The following RDH12 variants were observed in gnomAD, a reference collection of about 807,000 sequenced individuals.
The protein encoded by RDH12 is all-trans and 9-cis retinol dehydrogenase.
In RDH12, 21 loss-of-function variants were observed where a neutral mutation model predicts 34.0. The ratio of observed to expected loss-of-function variants is 0.62; its 90% CI spans 0.44 to 0.89. The LOEUF (loss-of-function observed/expected upper bound fraction) is 0.89, where lower values mean the gene tolerates loss of function less well. Ranked by LOEUF, RDH12 falls within the 40% of genes least tolerant of loss-of-function variation. The pLI is 0.00. For synonymous variants in RDH12, 198 were observed against 169.9 expected (o/e 1.17, Z -1.29); for missense variants, 394 against 398.6 (o/e 0.99, Z 0.10).
At chr14:67,721,330 C>T in intron 2 of RDH12, among the ~76,000 whole-genome samples, 1 of 152,104 alleles carries the variant, frequency 6.6e-6, no homozygotes, top group Non-Finnish European at 1.5e-5. Flanking sequence ...TCCTAGCTCA[C>T]TTCAACCTTG....
Position 67,722,619 on chromosome 14 carries a change from A to T in RDH12, c.-24A>T. On this transcript the variant is annotated 5_prime_UTR_variant, in exon 3 of 9. Coordinates refer to ENST00000551171, the MANE Select transcript of RDH12 (RefSeq NM_152443.3). Reference sequence around the variant, plus strand: ...TGAAGCTGGAGCAGCAGCAAAAGCAACAGCAGCTACAGAAGTTGGAACGAT... The same window carrying T: ...TGAAGCTGGAGCAGCAGCAAAAGCATCAGCAGCTACAGAAGTTGGAACGAT... The T allele has an allele frequency of 6.2e-7, 1 of 1,608,432 alleles. No individual in the cohort carries two copies. Among genetic ancestry groups the T allele is most frequent in the Non-Finnish European group, 8.5e-7 (1 of 1,174,780 alleles).
chr14:67,719,467 AT>A (rs1481900911), intron 1 of RDH12, among the ~76,000 whole-genome samples: 1 of 151,884 alleles, frequency 6.6e-6, no homozygotes, highest in East Asian at 1.9e-4. Flanking sequence ...TGAAAAGTTT[AT>A]TTATTTTTTC....
At chr14:67,727,490 T>G (rs112866154) in intron 7 of RDH12, 21,849 of 352,624 alleles carry the variant, frequency 0.062, 1,033 homozygotes, top group Non-Finnish European at 0.078. Flanking sequence ...TTTTTGTTTT[T>G]TTTTTTTTGA....
In RDH12 at chr14:67,727,179, A is replaced by G. The variant is rs891125540; in HGVS notation, c.647A>G (p.Lys216Arg). Residue 216 changes from lysine (K) to arginine (R), a missense_variant, in exon 7 of 9, where the codon AAG (lysine) becomes AGG (arginine). Coordinates refer to ENST00000551171, the MANE Select transcript of RDH12 (RefSeq NM_152443.3). ...GTGCTTTTTACTCGTGAGCTGGCCA[A>G]GAGGCTCCAAGGTAAGTCTGGAGAA... ...ANVLFTRELAKRLQGTGVTTY... is the reference protein window; with the variant it reads ...ANVLFTRELARRLQGTGVTTY... 7 of 1,612,612 alleles carry G rather than the reference A, an allele frequency of 4.3e-6. No homozygotes were observed. The African/African-American group carries it at 9.3e-5, about 22-fold the overall frequency.
At chr14:67,725,700 T>G (rs2038176913) in intron 5 of RDH12, among the ~76,000 whole-genome samples, 1 of 152,206 alleles carries the variant, frequency 6.6e-6, no homozygotes, top group African/African-American at 2.4e-5. Context: ...ACCACTGGAT[T>G]CCTAGTGCCC....
chr14:67,705,797 C>T (rs937229027), intron 1 of RDH12, among the ~76,000 whole-genome samples: 1 of 152,146 alleles, frequency 6.6e-6, no homozygotes, highest in South Asian at 2.1e-4. Flanking sequence ...ATTTGATCAA[C>T]CATGACAGAG....
At chr14:67,723,697 T>C (rs2038151502) in intron 3 of RDH12, among the ~76,000 whole-genome samples, 1 of 152,218 alleles carries the variant, frequency 6.6e-6, no homozygotes, top group Admixed American at 6.5e-5. Flanking sequence ...GAAATAATAC[T>C]GGAGAAGTTG....
In RDH12 at chr14:67,722,259, C is replaced by T. The variant is rs999727980; in HGVS notation, c.-219-165C>T. On this transcript the variant is annotated intron_variant, in intron 2 of 8. Transcript: ENST00000551171. ...TAAAGTTAGAAATATTCTATATATT[C>T]CATCTTGCAGTAGAGGTGGCAGTGG... Among the ~76,000 whole-genome samples the T allele has an allele frequency of 2.0e-5, 3 of 152,158 alleles. No individual in the cohort carries two copies. In the South Asian group the frequency reaches 6.2e-4, roughly 31 times the overall value.
At position 67,722,674 on chromosome 14, in the gene RDH12, T is replaced by C; in HGVS notation, c.32T>C (p.Phe11Ser). The C allele has an allele frequency of 1.2e-6, 2 of 1,613,990 alleles. No individual in the cohort carries two copies. Among genetic ancestry groups the C allele is most frequent in the Non-Finnish European group, 1.7e-6 (2 of 1,179,856 alleles). ...GTCACCTTGGGACTGCTCACCTCCT[T>C]CTTCTCGTTCCTGTATATGGTAGCT... Reference protein sequence around the residue: MLVTLGLLTSFFSFLYMVAPS... With the variant: MLVTLGLLTSSFSFLYMVAPS... The change falls in exon 3 of 9, where the codon TTC becomes TCC. Residue 11 changes from phenylalanine (F) to serine (S), a missense_variant. Phe to Ser is a radical substitution (Grantham distance 155). Transcript: ENST00000551171.
chr14:67,703,553 T>C (rs930550667), intron 1 of RDH12, among the ~76,000 whole-genome samples: 9 of 152,230 alleles, frequency 5.9e-5, no homozygotes, highest in Non-Finnish European at 1.3e-4. Context: ...ACTTAGACGA[T>C]CCTACATGTT....
Position 67,725,269 on chromosome 14 carries a change from G to C in RDH12, c.343+15G>C, listed in dbSNP as rs1010033788. On this transcript the variant is annotated intron_variant, in intron 5 of 8. Transcript: ENST00000551171. Reference sequence around the variant, plus strand: ...CTTTCTGGCAGGTGAGGTCCTGATGGGTAGGTAGAAAAGCAGGAAATTGGG... The same window carrying C: ...CTTTCTGGCAGGTGAGGTCCTGATGCGTAGGTAGAAAAGCAGGAAATTGGG... 4 of 1,612,350 alleles carry C rather than the reference G, an allele frequency of 2.5e-6. No individual in the cohort carries two copies. The highest frequency in any genetic ancestry group is 3.4e-6 in the Non-Finnish European group (4 of 1,179,858).
chr14:67,708,767 G>A (rs72723154), intron 1 of RDH12, among the ~76,000 whole-genome samples: 19,354 of 150,708 alleles, frequency 0.13, 1,304 homozygotes, highest in East Asian at 0.21. Flanking sequence ...TGTCATTTTC[G>A]GACTCTAGGG....
intron 1 of RDH12, among the ~76,000 whole-genome samples, chr14:67,710,335 T>C (rs2037996380): frequency 6.6e-6 from 1 of 152,234 alleles, no homozygotes; most frequent in African/African-American, 2.4e-5. Context: ...TAAAAAAAGT[T>C]TTAATCTTTT....
intron 1 of RDH12, among the ~76,000 whole-genome samples, chr14:67,704,984 G>A (rs1376474340): frequency 6.6e-6 from 1 of 152,198 alleles, no homozygotes; most frequent in African/African-American, 2.4e-5. Flanking sequence ...AGCAGGTCTA[G>A]GTAGTCCAGG....
chr14:67,707,038 A>G (rs955105161), intron 1 of RDH12, among the ~76,000 whole-genome samples: 1 of 152,238 alleles, frequency 6.6e-6, no homozygotes, highest in Admixed American at 6.5e-5. Flanking sequence ...ATCAGTAGGC[A>G]GGTATGAAAG....
rs756493180 is a variant in RDH12 at position 67,722,700 on chromosome 14, C to T, written c.58C>T (p.Pro20Ser). The change falls in exon 3 of 9, where the codon CCA (proline) becomes TCA (serine). Residue 20 changes from proline to serine, a missense_variant. Transcript: ENST00000551171. ...CTTCTCGTTCCTGTATATGGTAGCT[C>T]CATCCATCAGGTTTGTCTTAATTCA... ...SFFSFLYMVA[P>S]SIRKFFAGGV... 16 of 1,613,588 alleles carry T rather than the reference C, an allele frequency of 9.9e-6. No homozygotes were observed. The highest frequency in any genetic ancestry group is 1.4e-5 in the Non-Finnish European group (16 of 1,179,516).
At position 67,725,262 on chromosome 14, in the gene RDH12, C is replaced by A; in HGVS notation, c.343+8C>A. On this transcript the variant is annotated splice_region_variant and intron_variant, in intron 5 of 8. Coordinates refer to ENST00000551171, the MANE Select transcript of RDH12 (RefSeq NM_152443.3). Reference sequence around the variant, plus strand: ...CTGAGGGCTTTCTGGCAGGTGAGGTCCTGATGGGTAGGTAGAAAAGCAGGA... The same window carrying A: ...CTGAGGGCTTTCTGGCAGGTGAGGTACTGATGGGTAGGTAGAAAAGCAGGA... The A allele has an allele frequency of 1.9e-6, 3 of 1,612,674 alleles. No homozygotes were observed. The East Asian group carries it at 6.7e-5, about 36-fold the overall frequency.
rs777916043 is a variant in RDH12, at chr14:67,727,058, G to T, written c.526G>T (p.Val176Leu). 1.2e-6 allele frequency: 2 copies of T among 1,614,056 alleles called. No individual in the cohort carries two copies. The highest frequency in any genetic ancestry group is 1.7e-5 in the Admixed American group (1 of 60,024). ...APARVVNVSS[V>L]AHHIGKIPFH... Reference sequence around the variant, plus strand: ...TGCACGGGTGGTTAATGTGTCCTCGGTGGCTCACCACATTGGCAAGATTCC... The same window carrying T: ...TGCACGGGTGGTTAATGTGTCCTCGTTGGCTCACCACATTGGCAAGATTCC... Residue 176 changes from valine (V) to leucine (L), a missense_variant, in exon 7 of 9, where the codon GTG becomes TTG. Transcript: ENST00000551171.
rs1179389911 is a variant in RDH12, at chr14:67,704,490, G to C, written c.-275+2555G>C. On this transcript the variant is annotated intron_variant, in intron 1 of 8. Transcript: ENST00000551171. Reference sequence around the variant, plus strand: ...GGCATTTTCGGAACAGCTCCATTTTGGCCACTGCTGCTTATAACCACCCTG... The same window carrying C: ...GGCATTTTCGGAACAGCTCCATTTTCGCCACTGCTGCTTATAACCACCCTG... 3.3e-5 allele frequency among the ~76,000 whole-genome samples: 5 copies of C among 152,000 alleles called. No individual in the cohort carries two copies. The East Asian group carries it at 9.6e-4, about 29-fold the overall frequency.
Sources: gnomAD v4.1 joint callset for allele counts (sites outside exome capture counted in the v4.1 genomes callset) on GRCh38, gnomAD v4.1.1 for gene constraint, MANE v1.5 for transcripts, NCBI Gene and HGNC (gene_info 2026-07-23, HGNC 2026-07-21) for gene names.